MMP26: variants seen among roughly 807,000 people sequenced by gnomAD.
The protein encoded by MMP26 is matrix metallopeptidase 26.
In MMP26, 33 loss-of-function variants were observed where a neutral mutation model predicts 31.0. The observed-to-expected ratio is 1.06, with a 90% CI of 0.81 to 1.42. The LOEUF is 1.42. MMP26 is among the 40% of genes most tolerant of loss of function. The probability of loss-of-function intolerance (pLI) is 0.00; values close to 1 mark genes in which losing one functional copy is unlikely to be tolerated. For missense variants in MMP26, 347 were observed against 316.1 expected (o/e 1.10, Z -0.74); for synonymous variants, 122 against 114.9 (o/e 1.06, Z -0.40).
At chr11:4,837,795 T>C (rs1444516595) in intron 2 of MMP26, among the ~76,000 whole-genome samples, 2 of 152,072 alleles carry the variant, frequency 1.3e-5, no homozygotes, top group African/African-American at 2.4e-5. Context: ...GAAAGAACAA[T>C]TGAGGCTCTG....
chr11:4,863,937 C>T (rs528570323), intron 2 of MMP26, among the ~76,000 whole-genome samples: 19 of 152,298 alleles, frequency 1.2e-4, no homozygotes, highest in African/African-American at 4.3e-4. Context: ...AACTCACATA[C>T]GTGCACACAA....
At chr11:4,972,319 A>G (rs897148692) in intron 2 of MMP26, among the ~76,000 whole-genome samples, 1 of 152,240 alleles carries the variant, frequency 6.6e-6, no homozygotes, top group African/African-American at 2.4e-5. Flanking sequence ...GTCATTAGGT[A>G]GAATTCCCAT....
chr11:4,780,592 A>C (rs1235816413), intron 2 of MMP26, among the ~76,000 whole-genome samples: 1 of 152,150 alleles, frequency 6.6e-6, no homozygotes, highest in East Asian at 1.9e-4. Context: ...GGATACAGTG[A>C]AATCTGTACT....
At chr11:4,919,974 C>G (rs750954505) in intron 2 of MMP26, among the ~76,000 whole-genome samples, 9 of 152,088 alleles carry the variant, frequency 5.9e-5, no homozygotes, top group Non-Finnish European at 1.0e-4. Context: ...CATTCTTGTA[C>G]ACTTGGGGGT....
At chr11:4,964,644 A>C (rs1190222325) in intron 2 of MMP26, among the ~76,000 whole-genome samples, 2 of 152,204 alleles carry the variant, frequency 1.3e-5, no homozygotes, top group Non-Finnish European at 2.9e-5. Context: ...TACCATTCAT[A>C]ATAGCAAAAA....
chr11:4,960,700 G>T (rs894882514), intron 2 of MMP26, among the ~76,000 whole-genome samples: 1 of 151,066 alleles, frequency 6.6e-6, no homozygotes, highest in African/African-American at 2.4e-5. Context: ...GTACCAAAAG[G>T]CCAAAATACA....
chr11:4,983,314 A>G (rs1409463775), intron 2 of MMP26, among the ~76,000 whole-genome samples: 1 of 152,126 alleles, frequency 6.6e-6, no homozygotes, highest in Non-Finnish European at 1.5e-5. Context: ...CATTAGCTCA[A>G]ACTATGGTAT....
rs904993755 is a variant in MMP26 at position 4,705,025 on chromosome 11, C to T, written c.-237C>T. The T allele has an allele frequency of 1.1e-4, 17 of 152,280 alleles. No individual in the cohort carries two copies. The highest frequency in any genetic ancestry group is 4.1e-4 in the African/African-American group (17 of 41,554). The allele number at this position is 152,280 out of a possible 1,614,324, so 9.4% of individuals were successfully genotyped here. Reference sequence around the variant, plus strand: ...GGATCAAATAACCTCACCTTCCAGACCCAAGAATTCTGTGCACAAGGTCAG... The same window carrying T: ...GGATCAAATAACCTCACCTTCCAGATCCAAGAATTCTGTGCACAAGGTCAG... On this transcript the variant is annotated 5_prime_UTR_variant, in exon 1 of 8. Transcript: ENST00000380390.
intron 1 of MMP26, among the ~76,000 whole-genome samples, chr11:4,753,353 C>A (rs1313570564): frequency 6.6e-6 from 1 of 152,068 alleles, no homozygotes; most frequent in Non-Finnish European, 1.5e-5. Flanking sequence ...AGATTAATCC[C>A]TGAACTAAGA....
At position 4,944,987 on chromosome 11, in the gene MMP26, A is replaced by G. The variant is rs1846272162; in HGVS notation, c.-144-43081A>G. The G allele has an allele frequency of 1.3e-5, 2 of 152,134 alleles. 1 individual carries two copies. The highest frequency in any genetic ancestry group is 4.8e-5 in the African/African-American group (2 of 41,462). 9.4% of individuals were successfully genotyped at this position (152,134 alleles called of 1,614,324 possible). A position where few individuals can be genotyped will look rare whatever the true frequency, so the allele number is the denominator to read the frequency against. ...CTGCATCAGAAGTGTCCTAGACATTAGGCAGGAAAAAATAAGAAAATAGAT... is the reference window on the plus strand; with the variant it reads ...CTGCATCAGAAGTGTCCTAGACATTGGGCAGGAAAAAATAAGAAAATAGAT... On this transcript the variant is annotated intron_variant, in intron 2 of 7. Coordinates refer to ENST00000380390, the MANE Select transcript of MMP26 (RefSeq NM_021801.5).
chr11:4,937,620 A>T (rs1846146365), intron 2 of MMP26: 1 of 152,716 alleles, frequency 6.5e-6, no homozygotes, highest in Admixed American at 6.6e-5. Flanking sequence ...TTCCCAGTAC[A>T]GCCCTTAAAA....
chr11:4,728,179 A>G (rs79238737), intron 1 of MMP26, among the ~76,000 whole-genome samples: 1,648 of 152,350 alleles, frequency 0.011, 28 homozygotes, highest in African/African-American at 0.038. Flanking sequence ...CATGGCATGA[A>G]AAATTGGAAA....
intron 2 of MMP26, among the ~76,000 whole-genome samples, chr11:4,893,431 T>C (rs1445882512): frequency 1.3e-5 from 2 of 152,134 alleles, no homozygotes; most frequent in Non-Finnish European, 2.9e-5. Context: ...CATTCCAACA[T>C]GTTTCCATCT....
rs141965375 is a variant in MMP26 at position 4,764,021 on chromosome 11, T to G, written c.-216-3249T>G. Among the ~76,000 whole-genome samples, 320 of 152,336 alleles carry G rather than the reference T, an allele frequency of 2.1e-3. 1 individual carries two copies. Among genetic ancestry groups the G allele is most frequent in the African/African-American group, 7.1e-3 (294 of 41,588 alleles). On this transcript the variant is annotated intron_variant, in intron 1 of 7. Coordinates refer to ENST00000380390, the MANE Select transcript of MMP26 (RefSeq NM_021801.5). ...ATTACACAGAAGGGATATTTTATTGTGCCTCTGCCTAATAAAGTAAGATTT... is the reference window on the plus strand; with the variant it reads ...ATTACACAGAAGGGATATTTTATTGGGCCTCTGCCTAATAAAGTAAGATTT...
intron 2 of MMP26, among the ~76,000 whole-genome samples, chr11:4,870,870 G>A (rs539183021): frequency 2.6e-5 from 4 of 152,246 alleles, no homozygotes; most frequent in Admixed American, 2.6e-4. Context: ...TACACTTGTA[G>A]TTAATCAGTA....
intron 2 of MMP26, chr11:4,769,414 G>C (rs372333971): frequency 1.2e-6 from 2 of 1,613,938 alleles, no homozygotes; most frequent in Admixed American, 3.3e-5. Context: ...TACAGAAATA[G>C]AGAGGCTTAA....
intron 1 of MMP26, among the ~76,000 whole-genome samples, chr11:4,764,641 C>T (rs763899391): frequency 5.9e-5 from 9 of 152,286 alleles, no homozygotes; most frequent in East Asian, 3.9e-4. Context: ...GAGGCCGAGG[C>T]GGGTGGATCA....
intron 2 of MMP26, among the ~76,000 whole-genome samples, chr11:4,793,236 A>G (rs753773648): frequency 1.3e-5 from 2 of 152,180 alleles, no homozygotes; most frequent in African/African-American, 2.4e-5. Flanking sequence ...CTGTAATTTC[A>G]TCGGATATTA....
At chr11:4,964,089 T>G (rs1428702814) in intron 2 of MMP26, among the ~76,000 whole-genome samples, 1 of 152,212 alleles carries the variant, frequency 6.6e-6, no homozygotes, top group East Asian at 1.9e-4. Flanking sequence ...TAGTTTCTTT[T>G]GCTGTGCAGA....
Sources: allele counts gnomAD v4.1 joint callset (sites outside exome capture counted in the v4.1 genomes callset), GRCh38; gene constraint gnomAD v4.1.1; transcripts MANE v1.5; gene names NCBI Gene and HGNC (gene_info 2026-07-23, HGNC 2026-07-21).